PABPC4: variants seen among roughly 807,000 people sequenced by gnomAD.
The protein encoded by PABPC4 is poly(A) binding protein cytoplasmic 4, also known as polyadenylate-binding protein 4.
PABPC4 carries 15 observed loss-of-function variants against 74.5 expected under a neutral mutation model. That is an observed-to-expected ratio of 0.20 (90% CI 0.13 to 0.31). The LOEUF is 0.31. PABPC4 is among the 10% of genes least tolerant of loss of function. PABPC4 has a pLI of 1.00. For missense variants in PABPC4, 610 were observed against 853.5 expected, an observed-to-expected ratio of 0.71 and a Z score of 3.55; for synonymous variants, 345 against 303.0, an observed-to-expected ratio of 1.14 and a Z score of -1.44.
chr1:39,575,231 A>C (rs1308836875), intron 1 of PABPC4, among the ~76,000 whole-genome samples: 2 of 152,176 alleles, frequency 1.3e-5, no homozygotes, highest in African/African-American at 2.4e-5. Context: ...GTCTCTGCGA[A>C]AGTTTAACGC....
chr1:39,561,918 C>G, intron 14 of PABPC4, 131 bp from the exon 15 acceptor site: 1 of 1,167,212 alleles, frequency 8.6e-7, no homozygotes, highest in Admixed American at 2.2e-5. Flanking sequence ...ACTACTTTCC[C>G]AAATACCCAC....
rs141018289 is a variant in PABPC4, at chr1:39,570,656, A to C, written c.503+578T>G. On this transcript the variant is annotated intron_variant, in intron 3 of 15. Transcript: ENST00000372858. ...CCCCCTCTCTGCATTCTACAGTAAC[A>C]ACCACATCAAAGCAACAAGGTCTGT... 3.1e-4 allele frequency: 49 copies of C among 156,498 alleles called. No individual in the cohort carries two copies. The East Asian group carries it at 5.4e-3, about 17-fold the overall frequency. 9.7% of individuals were successfully genotyped at this position (156,498 alleles called of 1,614,324 possible).
At position 39,568,850 on chromosome 1, in the gene PABPC4, T is replaced by C; in HGVS notation, c.828A>G (p.Leu276=). 6.2e-7 allele frequency: 1 copy of C among 1,614,170 alleles called. No homozygotes were observed. Among genetic ancestry groups the C allele is most frequent in the Non-Finnish European group, 8.5e-7 (1 of 1,180,006 alleles). Residue 276 remains leucine (L), a synonymous_variant, in exon 6 of 16, where the codon TTA becomes TTG. Transcript: ENST00000372858. ...GTTTCAACTGTTCAAATTTCCGTTTTAACTCTGCCTGCCGTTCTACTTTCT... is the reference window on the plus strand; with the variant it reads ...GTTTCAACTGTTCAAATTTCCGTTTCAACTCTGCCTGCCGTTCTACTTTCT... ...AQKKVERQAE[L]KRKFEQLKQE...
At position 39,569,927 on chromosome 1, in the gene PABPC4, A is replaced by G; in HGVS notation, c.579T>C (p.Val193=). ...CCTCTTCCCCAAAGTTTTTGATATA[A>G]ACATTGGTGAATTCCTTGGCTTTGG... The part of the protein sequence containing the change: ...LGAKAKEFTN[V]YIKNFGEEVD... Residue 193 remains valine (V), a synonymous_variant, in exon 4 of 16, where the codon GTT becomes GTC. Coordinates refer to ENST00000372858, the MANE Select transcript of PABPC4 (RefSeq NM_001135653.2). 2 of 1,614,034 alleles carry G rather than the reference A, an allele frequency of 1.2e-6. No homozygotes were observed. Among genetic ancestry groups the G allele is most frequent in the Admixed American group, 1.7e-5 (1 of 60,018 alleles).
chr1:39,576,013 A>G lies in PABPC4; in HGVS notation c.-62T>C. 8.3e-7 allele frequency: 1 copy of G among 1,199,030 alleles called. No homozygotes were observed. The highest frequency in any genetic ancestry group is 3.1e-5 in the East Asian group (1 of 32,314). The allele number at this position is 1,199,030 out of a possible 1,614,324, so 74.3% of individuals were successfully genotyped here. A position where few individuals can be genotyped will look rare whatever the true frequency, so the allele number is the denominator to read the frequency against. On this transcript the variant is annotated 5_prime_UTR_variant, in exon 1 of 16. Coordinates refer to ENST00000372858, the MANE Select transcript of PABPC4 (RefSeq NM_001135653.2). ...GACTTCTTATCGGGCCCGCCGCAGG[A>G]CAAAGGGGCGCCTTCGGAGCCCGGG...
intron 7 of PABPC4, among the ~76,000 whole-genome samples, chr1:39,566,035 A>G (rs1054977087): frequency 1.3e-5 from 2 of 152,206 alleles, no homozygotes; most frequent in African/African-American, 4.8e-5. Context: ...CCCCAGACCA[A>G]CTAAGTCACA....
chr1:39,564,618 G>A, intron 9 of PABPC4, 68 bp downstream of exon 9: 1 of 1,609,988 alleles, frequency 6.2e-7, no homozygotes, highest in Non-Finnish European at 8.5e-7. Flanking sequence ...GAGTGGGGAA[G>A]AAGGAAAGGC....
intron 8 of PABPC4, 150 bp from the exon 9 acceptor site, chr1:39,564,923 T>C: frequency 1.1e-6 from 1 of 882,634 alleles, no homozygotes; most frequent in Non-Finnish European, 1.7e-6. Context: ...TGGGGACTGT[T>C]TTATGCTACC....
intron 14 of PABPC4, 25 bp from the exon 15 acceptor site, chr1:39,561,812 G>C: frequency 6.3e-7 from 1 of 1,595,280 alleles, no homozygotes; most frequent in Non-Finnish European, 8.6e-7. Context: ...CAGGTGGTCA[G>C]TGAATCTAGG....
In PABPC4 at chr1:39,576,205, C is replaced by G. The variant is rs942709309; in HGVS notation, c.-254G>C. ...GCCCTCCCCGCGACTTTGCACTTCT[C>G]CGCGGTCCTGGTGCGAAGCTCCAAA... On this transcript the variant is annotated 5_prime_UTR_variant, in exon 1 of 16. Transcript: ENST00000372858. The G allele has an allele frequency of 2.5e-6, 1 of 400,542 alleles. No homozygotes were observed. Among genetic ancestry groups the G allele is most frequent in the Non-Finnish European group, 4.4e-6 (1 of 226,526 alleles). The allele number at this position is 400,542 out of a possible 1,614,324, so 24.8% of individuals were successfully genotyped here. A position where few individuals can be genotyped will look rare whatever the true frequency, so the allele number is the denominator to read the frequency against.
At position 39,562,407 on chromosome 1, in the gene PABPC4, G is replaced by C. The variant is rs777556247; in HGVS notation, c.1678C>G (p.Pro560Ala). 25 of 1,613,190 alleles carry C rather than the reference G, an allele frequency of 1.5e-5. No individual in the cohort carries two copies. The highest frequency in any genetic ancestry group is 2.1e-5 in the Non-Finnish European group (25 of 1,179,664). ...TCCTGCCCCTGCACATGGACCGCAG[G>C]CTGGGGTGCCTGGGAACCAGGAAAG... The part of the protein sequence containing the change: ...PAIQPLQAPQ[P>A]AVHVQGQEPL... Residue 560 changes from proline to alanine, a missense_variant, in exon 13 of 16, where the codon CCT becomes GCT. Around this residue, in one of 4 missense-constraint regions of PABPC4, gnomAD observed 277 missense variants for 301.8 expected, o/e 0.92. Coordinates refer to ENST00000372858, the MANE Select transcript of PABPC4 (RefSeq NM_001135653.2).
At position 39,563,669 on chromosome 1, in the gene PABPC4, G is replaced by C; in HGVS notation, c.1613C>G (p.Pro538Arg). ...VAAAAPRAVA[P>R]YKYASSVRSP... ...GCGGACACTGGAGGCGTATTTGTAG[G>C]GGGCAACAGCCCGGGGAGCAGCAGC... The change falls in exon 12 of 16, where the codon CCC becomes CGC. Residue 538 changes from proline to arginine, a missense_variant. Around this residue, in one of 4 missense-constraint regions of PABPC4, gnomAD observed 277 missense variants for 301.8 expected, o/e 0.92. Transcript: ENST00000372858. 6.2e-7 allele frequency: 1 copy of C among 1,614,274 alleles called. No individual in the cohort carries two copies. Among genetic ancestry groups the C allele is most frequent in the Non-Finnish European group, 8.5e-7 (1 of 1,180,044 alleles).
rs550784315 is a variant in PABPC4 at position 39,560,927 on chromosome 1, G to T, written c.*209C>A. On this transcript the variant is annotated 3_prime_UTR_variant, in exon 16 of 16. Transcript: ENST00000372858. ...CCACAATAAAAAAAAAGTTAACACT[G>T]TCTGGGCCACAGCAGAACCCAAAGA... 5 of 256,416 alleles carry T rather than the reference G, an allele frequency of 1.9e-5. No individual in the cohort carries two copies. The East Asian group carries it at 3.5e-4, about 18-fold the overall frequency. The allele number at this position is 256,416 out of a possible 1,614,324, so 15.9% of individuals were successfully genotyped here. A position where few individuals can be genotyped will look rare whatever the true frequency, so the allele number is the denominator to read the frequency against.
intron 8 of PABPC4, 76 bp from the exon 9 acceptor site, chr1:39,564,849 C>G (rs1488123587): frequency 1.4e-5 from 16 of 1,151,954 alleles, no homozygotes; most frequent in Non-Finnish European, 2.1e-5. Context: ...TCTCATCTCA[C>G]TAACCAGGAC....
intron 12 of PABPC4, chr1:39,562,970 A>G (rs1316445237): frequency 6.5e-6 from 1 of 153,208 alleles, no homozygotes; most frequent in Non-Finnish European, 1.5e-5. Context: ...AAGAAAAGGT[A>G]TTTTACATAG....
chr1:39,561,572 T>C (rs1353580885), intron 15 of PABPC4, 113 bp downstream of exon 15: 12 of 708,814 alleles, frequency 1.7e-5, no homozygotes, highest in Admixed American at 1.5e-4. Context: ...ACTGTACTTA[T>C]TGTATTCCCA....
chr1:39,561,429 G>T, intron 15 of PABPC4: 1 of 443,118 alleles, frequency 2.3e-6, no homozygotes, highest in Non-Finnish European at 4.2e-6. Flanking sequence ...TTATTTTACT[G>T]TCTCTTCTTT....
At chr1:39,569,167 A>G (rs930293507) in intron 5 of PABPC4, among the ~76,000 whole-genome samples, 1 of 152,234 alleles carries the variant, frequency 6.6e-6, no homozygotes, top group Non-Finnish European at 1.5e-5. Context: ...TATAAACACA[A>G]GTGTGCTGAC....
At chr1:39,572,628 A>C in intron 1 of PABPC4, 42 bp from the exon 2 acceptor site, 1 of 1,510,334 alleles carries the variant, frequency 6.6e-7, no homozygotes, top group Non-Finnish European at 9.2e-7. Flanking sequence ...AGAAAACGTC[A>C]GCTCCCACAG....
Sources: allele counts gnomAD v4.1 joint callset (sites outside exome capture counted in the v4.1 genomes callset), GRCh38; gene constraint gnomAD v4.1.1; regional missense constraint gnomAD v4.1.1; transcripts MANE v1.5; gene names NCBI Gene and HGNC (gene_info 2026-07-23, HGNC 2026-07-21).